Variants in ZNF536 observed in about 807,000 individuals in gnomAD.
ZNF536 encodes zinc finger protein 536.
Under a neutral mutation model 84.5 loss-of-function variants are expected in ZNF536, and 13 were observed. That is an observed-to-expected ratio of 0.15 (90% confidence interval 0.10 to 0.24). The LOEUF is 0.24. ZNF536 is among the 10% of genes least tolerant of loss of function. The pLI is 1.00. For missense variants in ZNF536, 1,536 were observed against 1,747.5 expected, an observed-to-expected ratio of 0.88 and a Z score of 2.16; for synonymous variants, 811 against 742.5, an observed-to-expected ratio of 1.09 and a Z score of -1.50.
intron 1 of ZNF536, among the ~76,000 whole-genome samples, chr19:30,245,912 G>T (rs1361899456): frequency 1.3e-5 from 2 of 152,240 alleles, no homozygotes; most frequent in Non-Finnish European, 2.9e-5. Context: ...CGGAGCGTTG[G>T]AGTCAGGTTC....
chr19:30,653,324 C>T (rs2049779870), intron 1 of ZNF536, among the ~76,000 whole-genome samples: 1 of 152,132 alleles, frequency 6.6e-6, no homozygotes, highest in African/African-American at 2.4e-5. Flanking sequence ...CATCTGTCTT[C>T]TCACTGCACA....
At chr19:30,613,999 A>G (rs971961851) in intron 1 of ZNF536, among the ~76,000 whole-genome samples, 23 of 152,190 alleles carry the variant, frequency 1.5e-4, no homozygotes, top group Admixed American at 7.2e-4. Flanking sequence ...AGTAGCTGGG[A>G]CTACAGGTGC....
chr19:30,439,875 T>C lies in ZNF536; in HGVS notation c.-2-3686T>C, dbSNP rs971216737. The stretch of plus-strand genomic sequence containing the variant: ...TGGTCCAAGCCTGGGGTGATAACCA[T>C]GGACACCTAGACTGTGAGAGTTAGG... On this transcript the variant is annotated intron_variant, in intron 1 of 4. Transcript: ENST00000355537. 7.9e-5 allele frequency among the ~76,000 whole-genome samples: 12 copies of C among 152,208 alleles called. No individual in the cohort carries two copies. The South Asian group carries it at 1.2e-3, about 16-fold the overall frequency.
chr19:30,553,211 A>G (rs2045847142), intron 4 of ZNF536, among the ~76,000 whole-genome samples: 1 of 152,232 alleles, frequency 6.6e-6, no homozygotes. Flanking sequence ...AGACCAGAGC[A>G]GTGTTTGCAT....
intron 2 of ZNF536, among the ~76,000 whole-genome samples, chr19:30,457,725 C>T (rs1018143320): frequency 2.6e-5 from 4 of 152,204 alleles, no homozygotes; most frequent in Non-Finnish European, 5.9e-5. Flanking sequence ...CTACTGGGAC[C>T]CTGCAGCTGG....
At chr19:30,674,929 C>A (rs1270358234) in intron 1 of ZNF536, among the ~76,000 whole-genome samples, 1 of 152,124 alleles carries the variant, frequency 6.6e-6, no homozygotes, top group African/African-American at 2.4e-5. Context: ...GGGCATCGGG[C>A]TGGGCTCCAC....
chr19:30,329,800 G>T (rs949052056), intron 2 of ZNF536, among the ~76,000 whole-genome samples: 2 of 152,080 alleles, frequency 1.3e-5, no homozygotes, highest in African/African-American at 4.8e-5. Context: ...AGGATAGTTT[G>T]CTCTGGGGCA....
At chr19:30,243,284 A>G (rs926772263) in intron 1 of ZNF536, among the ~76,000 whole-genome samples, 2 of 152,162 alleles carry the variant, frequency 1.3e-5, no homozygotes, top group Admixed American at 1.3e-4. Context: ...TGATTATTTT[A>G]AAGTAAGCTA....
chr19:30,547,480 T>G (rs1012076629), intron 3 of ZNF536, among the ~76,000 whole-genome samples: 3 of 152,228 alleles, frequency 2.0e-5, no homozygotes, highest in African/African-American at 7.2e-5. Context: ...CATTTCAGTC[T>G]TGCGTAACAG....
intron 1 of ZNF536, among the ~76,000 whole-genome samples, chr19:30,278,384 G>T (rs1010066369): frequency 6.6e-6 from 1 of 152,212 alleles, no homozygotes; most frequent in Admixed American, 6.5e-5. Flanking sequence ...AGGGCAGGAG[G>T]ATAGTGGCCC....
At chr19:30,356,686 G>A (rs1449127121) in intron 3 of ZNF536, among the ~76,000 whole-genome samples, 1 of 152,198 alleles carries the variant, frequency 6.6e-6, no homozygotes, top group Non-Finnish European at 1.5e-5. Flanking sequence ...CTTTCCCAGG[G>A]AGAAAACCAA....
At chr19:30,615,889 C>CCT (rs1222250678) in intron 1 of ZNF536, among the ~76,000 whole-genome samples, 1 of 151,428 alleles carries the variant, frequency 6.6e-6, no homozygotes, top group African/African-American at 2.4e-5. Flanking sequence ...CCTCTCTGTC[C>CCT]CTCTCTCTCT....
chr19:30,495,923 T>A (rs1220214602), intron 2 of ZNF536, among the ~76,000 whole-genome samples: 1 of 152,196 alleles, frequency 6.6e-6, no homozygotes, highest in Non-Finnish European at 1.5e-5. Flanking sequence ...CTTATCTTTG[T>A]CAGGGTAGTC....
At chr19:30,674,224 C>A (rs758433337) in intron 1 of ZNF536, among the ~76,000 whole-genome samples, 9 of 152,186 alleles carry the variant, frequency 5.9e-5, no homozygotes, top group Non-Finnish European at 1.2e-4. Flanking sequence ...TTTCAGGGCA[C>A]AGTGCTCCTT....
At chr19:30,298,589 T>A (rs2041939083) in intron 2 of ZNF536, among the ~76,000 whole-genome samples, 1 of 152,182 alleles carries the variant, frequency 6.6e-6, no homozygotes, top group Non-Finnish European at 1.5e-5. Context: ...CCAAAGAAAC[T>A]TTTTTGGTAT....
chr19:30,234,763 A>G (rs2023348977), intron 1 of ZNF536, among the ~76,000 whole-genome samples: 2 of 142,108 alleles, frequency 1.4e-5, no homozygotes, highest in Admixed American at 6.9e-5. Context: ...ACACACACAC[A>G]CACACACACA....
At chr19:30,286,243 A>G (rs755552281) in intron 2 of ZNF536, among the ~76,000 whole-genome samples, 1 of 152,182 alleles carries the variant, frequency 6.6e-6, no homozygotes, top group Non-Finnish European at 1.5e-5. Flanking sequence ...TGCGGGCGAG[A>G]TGTATTCAAA....
chr19:30,284,398 G>C (rs115295426), intron 2 of ZNF536, among the ~76,000 whole-genome samples: 1 of 152,294 alleles, frequency 6.6e-6, no homozygotes, highest in South Asian at 2.1e-4. Context: ...TCTCTCTTGC[G>C]TGACACCCTG....
At position 30,548,972 on chromosome 19, in the gene ZNF536, A is replaced by C. The variant is rs2045667176; in HGVS notation, c.3353A>C (p.Tyr1118Ser). Residue 1118 changes from tyrosine to serine, a missense_variant, in exon 4 of 5, where the codon TAC becomes TCC. Physicochemically the swap from Tyr to Ser is moderately radical, Grantham distance 144. This residue lies in a region of ZNF536 where 624 missense variants were observed against 603.1 expected (regional missense o/e 1.03). Transcript: ENST00000355537. ...PSDFYKQFGV[Y>S]PGMVGSGASS... The stretch of plus-strand genomic sequence containing the variant: ...GACTTCTACAAGCAGTTTGGTGTTT[A>C]CCCAGGCATGGTTGGCTCAGGGGCC... The C allele has an allele frequency of 6.2e-7, 1 of 1,614,064 alleles. No individual in the cohort carries two copies. The highest frequency in any genetic ancestry group is 8.5e-7 in the Non-Finnish European group (1 of 1,180,016).
Sources: gnomAD v4.1 joint callset for allele counts (sites outside exome capture counted in the v4.1 genomes callset) on GRCh38, gnomAD v4.1.1 for gene constraint, gnomAD v4.1.1 regional missense constraint, MANE v1.5 for transcripts, NCBI Gene and HGNC (gene_info 2026-07-23, HGNC 2026-07-21) for gene names.